TENM2: variants seen among roughly 807,000 people sequenced by gnomAD.
TENM2 encodes teneurin-2.
TENM2 carries 52 observed loss-of-function variants against 245.2 expected under a neutral mutation model. That is an observed-to-expected ratio of 0.21 (90% CI 0.17 to 0.27). The LOEUF (loss-of-function observed/expected upper bound fraction) is 0.27. Among genes scored for constraint, TENM2 ranks in the 10% least tolerant of loss-of-function variants. TENM2 has a pLI of 1.00. For synonymous variants in TENM2, 1,363 were observed against 1,438.9 expected (o/e 0.95, Z 1.19); for missense variants, 3,046 against 3,666.8 (o/e 0.83, Z 4.37).
intron 2 of TENM2, among the ~76,000 whole-genome samples, chr5:167,810,359 A>C (rs953004540): frequency 2.0e-5 from 3 of 152,070 alleles, no homozygotes; most frequent in Admixed American, 1.3e-4. Flanking sequence ...TGTAACTTGA[A>C]ATGTAAAGCT....
intron 2 of TENM2, among the ~76,000 whole-genome samples, chr5:167,476,948 G>T (rs1767426680): frequency 6.6e-6 from 1 of 152,078 alleles, no homozygotes; most frequent in African/African-American, 2.4e-5. Flanking sequence ...ATTTTCTAGA[G>T]AATGTTAAAT....
chr5:167,270,277 T>C, the TENM2 span, among the ~76,000 whole-genome samples: 2 of 152,146 alleles, frequency 1.3e-5, no homozygotes, highest in Non-Finnish European at 2.9e-5. Context: ...AACTTGCACT[T>C]TAAGGATCAC....
chr5:167,803,416 G>A (rs574768606), intron 2 of TENM2, among the ~76,000 whole-genome samples: 17 of 152,234 alleles, frequency 1.1e-4, no homozygotes, highest in Admixed American at 1.0e-3. Flanking sequence ...AGGGAGAAGA[G>A]AGGTCTTCAA....
chr5:167,803,161 C>A (rs1378567925), intron 2 of TENM2, among the ~76,000 whole-genome samples: 5 of 152,058 alleles, frequency 3.3e-5, no homozygotes, highest in African/African-American at 1.2e-4. Context: ...CAGTGAACAC[C>A]AAATCTGCCT....
chr5:167,056,747 G>A, the TENM2 span, among the ~76,000 whole-genome samples: 4 of 150,054 alleles, frequency 2.7e-5, no homozygotes, highest in Admixed American at 1.3e-4. Flanking sequence ...ATACCTAGGT[G>A]TTTATTTATT....
At chr5:168,221,836 G>A (rs1408401300) in intron 23 of TENM2, among the ~76,000 whole-genome samples, 1 of 152,154 alleles carries the variant, frequency 6.6e-6, no homozygotes, top group Non-Finnish European at 1.5e-5. Flanking sequence ...TTAGGACCAG[G>A]ATGACAGGGG....
At chr5:167,056,895 A>G in the TENM2 span, among the ~76,000 whole-genome samples, 456 of 151,610 alleles carry the variant, frequency 3.0e-3, no homozygotes, top group African/African-American at 0.011. Flanking sequence ...AGAAATCCTC[A>G]GTCATTATTG....
At chr5:167,525,052 A>G (rs947946385) in intron 2 of TENM2, among the ~76,000 whole-genome samples, 8 of 152,038 alleles carry the variant, frequency 5.3e-5, no homozygotes, top group African/African-American at 1.9e-4. Context: ...GTGTTTGTTA[A>G]TCAGCTTGAT....
chr5:167,139,446 T>C, the TENM2 span, among the ~76,000 whole-genome samples: 2 of 152,232 alleles, frequency 1.3e-5, no homozygotes, highest in African/African-American at 4.8e-5. Flanking sequence ...ATTCATATTT[T>C]GGGCGTAAGA....
At chr5:167,914,640 C>T (rs778063163) in intron 3 of TENM2, among the ~76,000 whole-genome samples, 5 of 152,168 alleles carry the variant, frequency 3.3e-5, no homozygotes, top group Non-Finnish European at 5.9e-5. Context: ...AAACAACAGA[C>T]ATTTGTTGTC....
At chr5:168,103,697 T>C (rs1399762108) in intron 9 of TENM2, among the ~76,000 whole-genome samples, 1 of 152,202 alleles carries the variant, frequency 6.6e-6, no homozygotes, top group Non-Finnish European at 1.5e-5. Flanking sequence ...TGTGGTTGTA[T>C]AAGTGAGTAT....
intron 2 of TENM2, among the ~76,000 whole-genome samples, chr5:167,557,189 C>T (rs1454804898): frequency 1.3e-5 from 2 of 152,072 alleles, no homozygotes; most frequent in Non-Finnish European, 2.9e-5. Flanking sequence ...ACCTTATATG[C>T]TTCTTTGTGA....
rs11348656 is a variant in TENM2, at chr5:167,749,637, C to CAA, written c.503-126336_503-126335dup. Among the ~76,000 whole-genome samples, 317 of 145,452 alleles carry CAA rather than the reference C, an allele frequency of 2.2e-3. 3 individuals carry two copies. The highest frequency in any genetic ancestry group is 7.3e-3 in the African/African-American group (288 of 39,194). On this transcript the variant is annotated intron_variant, in intron 2 of 28. Transcript: ENST00000518659. ...TGGGTGAAAGAGCTAAACCCCATCT[C>CAA]AAAAAAAAAAAAAATCAATGGGAAG...
chr5:168,026,651 A>G (rs2546943), intron 5 of TENM2, among the ~76,000 whole-genome samples: 12,485 of 152,214 alleles, frequency 0.082, 1,255 homozygotes, highest in African/African-American at 0.23. Flanking sequence ...ACAGGAGCAC[A>G]GCTATGTTAC....
At chr5:167,776,409 C>T (rs1438999859) in intron 2 of TENM2, among the ~76,000 whole-genome samples, 2 of 151,488 alleles carry the variant, frequency 1.3e-5, no homozygotes. Flanking sequence ...CCAGCCTGGG[C>T]AGCAAGGCGA....
the TENM2 span, among the ~76,000 whole-genome samples, chr5:167,098,743 G>A: frequency 6.6e-6 from 1 of 152,298 alleles, no homozygotes; most frequent in Middle Eastern, 3.4e-3. Flanking sequence ...CCGTGACTGG[G>A]GAGGTTATTC....
intron 7 of TENM2, among the ~76,000 whole-genome samples, chr5:168,084,808 C>T (rs1054228011): frequency 6.6e-6 from 1 of 152,234 alleles, no homozygotes; most frequent in Non-Finnish European, 1.5e-5. Flanking sequence ...CCTTTCCAGG[C>T]ACCCTTTTTT....
chr5:168,125,996 A>G (rs886219869), intron 11 of TENM2, among the ~76,000 whole-genome samples: 1 of 152,148 alleles, frequency 6.6e-6, no homozygotes, highest in Non-Finnish European at 1.5e-5. Context: ...GCCTCCCTCA[A>G]TAGACTGATG....
At chr5:168,004,517 G>GTGCGCA (rs1554170146) in intron 5 of TENM2, among the ~76,000 whole-genome samples, 1 of 132,152 alleles carries the variant, frequency 7.6e-6, no homozygotes, top group African/African-American at 3.0e-5. Flanking sequence ...GCGCGCGCGC[G>GTGCGCA]CACACACACA....
Sources: gnomAD v4.1 joint callset for allele counts (sites outside exome capture counted in the v4.1 genomes callset) on GRCh38, gnomAD v4.1.1 for gene constraint, MANE v1.5 for transcripts, NCBI Gene and HGNC (gene_info 2026-07-23, HGNC 2026-07-21) for gene names.